NHSL1: variants seen among roughly 807,000 people sequenced by gnomAD.
The protein encoded by NHSL1 is NHS-like protein 1.
NHSL1 carries 48 observed loss-of-function variants against 95.0 expected under a neutral mutation model. The observed-to-expected ratio is 0.51, with a 90% confidence interval of 0.40 to 0.64. The LOEUF (loss-of-function observed/expected upper bound fraction) is 0.64, where lower values mean the gene tolerates loss of function less well. Among genes scored for constraint, NHSL1 ranks in the 30% least tolerant of loss-of-function variants. The pLI is 0.00. For missense variants in NHSL1, 1,971 were observed against 2,077.7 expected (o/e 0.95, Z 1.00); for synonymous variants, 783 against 833.9 (o/e 0.94, Z 1.05).
chr6:138,648,533 C>T (rs1361761746), intron 1 of NHSL1, among the ~76,000 whole-genome samples: 17 of 152,058 alleles, frequency 1.1e-4, no homozygotes, highest in Non-Finnish European at 1.9e-4. Flanking sequence ...AGTCCTAGGG[C>T]CTCTCTCCAT....
Position 138,424,420 on chromosome 6 carries a change from G to C in NHSL1, c.4482C>G (p.Gly1494=), listed in dbSNP as rs75518295. Reference sequence around the variant, plus strand: ...GCGTTCGGCTGCGGCCGTACCTGGGGCCGGAAAAGGACAGACTCCGAGGCA... The same window carrying C: ...GCGTTCGGCTGCGGCCGTACCTGGGCCCGGAAAAGGACAGACTCCGAGGCA... ...GLMPRSLSFS[G]PRYGRSRTPP... is the part of the protein sequence containing the mutation. The change falls in exon 8 of 8, where the codon GGC becomes GGG. Residue 1494 remains glycine, a synonymous_variant. Transcript: ENST00000343505. This position sits in a 1 kb window ranked among gnomAD's most constrained non-coding sequence, Gnocchi z 5.9. 2,455 of 1,550,188 alleles carry C rather than the reference G, an allele frequency of 1.6e-3. 25 individuals carry two copies. The African/African-American group carries it at 0.029, about 18-fold the overall frequency.
intron 3 of NHSL1, among the ~76,000 whole-genome samples, chr6:138,451,174 T>G (rs1316709769): frequency 6.6e-6 from 1 of 152,122 alleles, no homozygotes; most frequent in African/African-American, 2.4e-5. Context: ...CCTACTGTTC[T>G]TTCCCATATT....
chr6:138,629,659 A>G (rs1174569780), intron 1 of NHSL1, among the ~76,000 whole-genome samples: 3 of 152,258 alleles, frequency 2.0e-5, no homozygotes, highest in Admixed American at 2.0e-4. Flanking sequence ...TTGCGATTAC[A>G]GGCGTGAGCC....
intron 1 of NHSL1, among the ~76,000 whole-genome samples, chr6:138,593,757 T>C (rs1163003632): frequency 6.6e-6 from 1 of 152,236 alleles, no homozygotes; most frequent in East Asian, 1.9e-4. Context: ...TTATAGTATT[T>C]AGCAACACAA....
intron 7 of NHSL1, among the ~76,000 whole-genome samples, chr6:138,425,456 T>G (rs1273869966): frequency 2.0e-5 from 3 of 152,212 alleles, no homozygotes; most frequent in Admixed American, 1.3e-4. Context: ...AACAGCTCAC[T>G]GCAAGACCGC....
At chr6:138,550,999 A>G (rs771330407) in intron 1 of NHSL1, among the ~76,000 whole-genome samples, 2 of 152,180 alleles carry the variant, frequency 1.3e-5, no homozygotes, top group African/African-American at 2.4e-5. Context: ...ACTTTCAGTT[A>G]CCCCTGGTCA....
At chr6:138,614,710 G>A (rs1219572289) in intron 1 of NHSL1, among the ~76,000 whole-genome samples, 1 of 152,134 alleles carries the variant, frequency 6.6e-6, no homozygotes, top group Non-Finnish European at 1.5e-5. Context: ...TTAGGAACTG[G>A]GCCACACAGC....
chr6:138,470,031 TTTAA>T (rs1323373281), intron 3 of NHSL1, among the ~76,000 whole-genome samples: 7 of 152,154 alleles, frequency 4.6e-5, no homozygotes, highest in African/African-American at 7.2e-5. Flanking sequence ...TTAGCTGATA[TTTAA>T]TTAGTATATA....
chr6:138,511,879 G>C (rs1345163333), intron 1 of NHSL1, among the ~76,000 whole-genome samples: 1 of 152,148 alleles, frequency 6.6e-6, no homozygotes, highest in Non-Finnish European at 1.5e-5. Context: ...CCGCACTCCA[G>C]CCTGGGCAAT....
intron 1 of NHSL1, among the ~76,000 whole-genome samples, chr6:138,644,389 A>G (rs2114691574): frequency 6.6e-6 from 1 of 151,594 alleles, no homozygotes; most frequent in East Asian, 2.0e-4. Flanking sequence ...TATAATCCCA[A>G]CTACTCAGGA....
intron 1 of NHSL1, among the ~76,000 whole-genome samples, chr6:138,497,664 TAACTC>T (rs1360317421): frequency 6.6e-6 from 1 of 152,176 alleles, no homozygotes; most frequent in African/African-American, 2.4e-5. Context: ...GCTCAAGAAA[TAACTC>T]AGGTAAAACA....
intron 1 of NHSL1, among the ~76,000 whole-genome samples, chr6:138,525,742 G>A (rs2128312246): frequency 6.6e-6 from 1 of 152,202 alleles, no homozygotes; most frequent in South Asian, 2.1e-4. Flanking sequence ...GACAACTTAA[G>A]TGTTGGAGAA....
intron 1 of NHSL1, among the ~76,000 whole-genome samples, chr6:138,666,176 G>A (rs769576697): frequency 2.0e-5 from 3 of 152,162 alleles, no homozygotes; most frequent in African/African-American, 4.8e-5. Flanking sequence ...GGTGGTGCAC[G>A]CCTGTAATCC....
chr6:138,557,476 G>A (rs1783235785), intron 1 of NHSL1, among the ~76,000 whole-genome samples: 1 of 152,186 alleles, frequency 6.6e-6, no homozygotes, highest in African/African-American at 2.4e-5. Context: ...AGAGACAGGT[G>A]CAAGTACACT....
intron 1 of NHSL1, among the ~76,000 whole-genome samples, chr6:138,602,227 C>T (rs111892051): frequency 2.6e-5 from 4 of 152,174 alleles, no homozygotes; most frequent in East Asian, 3.8e-4. Context: ...CATGTGTTCA[C>T]GTCTTTGATT....
intron 1 of NHSL1, among the ~76,000 whole-genome samples, chr6:138,662,857 A>C (rs908970243): frequency 2.6e-5 from 4 of 152,128 alleles, no homozygotes; most frequent in African/African-American, 7.2e-5. Context: ...GTAAGAACAC[A>C]CTTCAACTTT....
At chr6:138,450,203 C>T (rs1178346277) in intron 3 of NHSL1, among the ~76,000 whole-genome samples, 5 of 152,150 alleles carry the variant, frequency 3.3e-5, no homozygotes. Context: ...CACACACACA[C>T]ACACACACTT....
upstream of NHSL1, among the ~76,000 whole-genome samples, chr6:138,501,325 C>T (rs548042465): frequency 1.5e-4 from 23 of 152,202 alleles, no homozygotes; most frequent in African/African-American, 5.5e-4. Context: ...AGGTGAGATC[C>T]CTGCCCTCAT....
chr6:138,598,629 A>G (rs1353887738), intron 1 of NHSL1, among the ~76,000 whole-genome samples: 1 of 132,078 alleles, frequency 7.6e-6, no homozygotes, highest in Non-Finnish European at 1.6e-5. Context: ...ATCTGGAAGA[A>G]AAAAAAAAAA....
Sources: allele counts gnomAD v4.1 joint callset (sites outside exome capture counted in the v4.1 genomes callset), GRCh38; gene constraint gnomAD v4.1.1; non-coding constraint Gnocchi (gnomAD v3.1); transcripts MANE v1.5; gene names NCBI Gene and HGNC (gene_info 2026-07-23, HGNC 2026-07-21).